SMG7: variants seen among roughly 807,000 people sequenced by gnomAD.
The protein encoded by SMG7 is nonsense-mediated mRNA decay factor SMG7.
A neutral mutation model predicts 148.2 loss-of-function variants in SMG7; 34 were observed. That is an observed-to-expected ratio of 0.23 (90% CI 0.17 to 0.31). The LOEUF (loss-of-function observed/expected upper bound fraction) is 0.31. SMG7 is among the 10% of genes least tolerant of loss of function. The pLI is 1.00. For missense variants in SMG7, 1,114 were observed against 1,408.4 expected, an observed-to-expected ratio of 0.79 and a Z score of 3.35; for synonymous variants, 492 against 515.1, an observed-to-expected ratio of 0.96 and a Z score of 0.61.
rs144466102 is a variant in SMG7, at chr1:183,477,742, A to G, written c.29+5093A>G. Among the ~76,000 whole-genome samples the G allele has an allele frequency of 2.8e-3, 407 of 146,412 alleles. 7 individuals are homozygous for G. The highest frequency in any genetic ancestry group is 0.013 in the East Asian group (61 of 4,860). On this transcript the variant is annotated intron_variant, in intron 1 of 22. Transcript: ENST00000688051. ...TGCATGTGTATATATGCATATATAC[A>G]TGTGTGTGCATATGTGTGCATATAT...
chr1:183,507,113 A>G (rs1462381680), intron 1 of SMG7, among the ~76,000 whole-genome samples: 6 of 152,078 alleles, frequency 3.9e-5, no homozygotes, highest in Admixed American at 3.3e-4. Flanking sequence ...TCATGACCTC[A>G]GGTGGTCTGC....
chr1:183,518,736 T>G (rs1036030508), intron 4 of SMG7: 2 of 152,206 alleles, frequency 1.3e-5, no homozygotes, highest in Admixed American at 6.5e-5. Context: ...TTAAGCAGAA[T>G]CTGTTAGAAA....
Position 183,545,120 on chromosome 1 carries a change from A to C in SMG7, c.2178A>C (p.Pro726=). 6.2e-7 allele frequency: 1 copy of C among 1,614,136 alleles called. No homozygotes were observed. Among genetic ancestry groups the C allele is most frequent in the Non-Finnish European group, 8.5e-7 (1 of 1,180,010 alleles). Reference sequence around the variant, plus strand: ...ACAGCCAGCAACGGCCCTCTGGACCAGGGCCAATGAACCAGGGACCTCAAC... The same window carrying C: ...ACAGCCAGCAACGGCCCTCTGGACCCGGGCCAATGAACCAGGGACCTCAAC... ...IPYSQQRPSG[P]GPMNQGPQQS... The change falls in exon 16 of 23, where the codon CCA becomes CCC. Residue 726 remains proline, a synonymous_variant. Coordinates refer to ENST00000688051, the MANE Select transcript of SMG7 (RefSeq NM_001375584.1).
intron 1 of SMG7, among the ~76,000 whole-genome samples, chr1:183,491,131 A>C (rs1332736064): frequency 6.6e-6 from 1 of 152,230 alleles, no homozygotes; most frequent in Admixed American, 6.5e-5. Flanking sequence ...TGCCTCAGGC[A>C]ATCATTACTC....
In SMG7 at chr1:183,552,198, G is replaced by T. The variant is rs1344764428; in HGVS notation, c.*267G>T. On this transcript the variant is annotated 3_prime_UTR_variant, in exon 23 of 23. Transcript: ENST00000688051. ...GCTGTTTATCTCACTCAGTTACTTG[G>T]TATCACCGCCTCTCACCTTCTCCAT... 1 of 1,105,034 alleles carries T rather than the reference G, an allele frequency of 9.0e-7. No individual in the cohort carries two copies. The highest frequency in any genetic ancestry group is 5.4e-5 in the East Asian group (1 of 18,570). 68.5% of individuals were successfully genotyped at this position (1,105,034 alleles called of 1,614,324 possible).
At chr1:183,528,128 T>A in intron 6 of SMG7, 101 bp downstream of exon 6, 1 of 742,136 alleles carries the variant, frequency 1.3e-6, no homozygotes, top group Non-Finnish European at 2.1e-6. Context: ...ATGAAAGCAA[T>A]AAATGAGTTT....
At position 183,546,077 on chromosome 1, in the gene SMG7, A is replaced by G; in HGVS notation, c.2482A>G (p.Ile828Val). 6.2e-7 allele frequency: 1 copy of G among 1,613,992 alleles called. No homozygotes were observed. The highest frequency in any genetic ancestry group is 8.5e-7 in the Non-Finnish European group (1 of 1,179,942). ...CTACTACCTTCAGACCCAAGACCCC[A>G]TAAAACTGTTTGAGCCGTCATTGCA... Reference protein sequence around the residue: ...QPYYLQTQDPIKLFEPSLQPP... With the variant: ...QPYYLQTQDPVKLFEPSLQPP... Residue 828 changes from isoleucine to valine, a missense_variant, in exon 17 of 23, where the codon ATA becomes GTA. Around this residue, in one of 4 missense-constraint regions of SMG7, gnomAD observed 788 missense variants for 894.5 expected, o/e 0.88. Coordinates refer to ENST00000688051, the MANE Select transcript of SMG7 (RefSeq NM_001375584.1).
In SMG7 at chr1:183,509,840, G is replaced by A. The variant is rs566267755; in HGVS notation, c.30-2997G>A. 7.9e-5 allele frequency among the ~76,000 whole-genome samples: 12 copies of A among 152,190 alleles called. No individual in the cohort carries two copies. The East Asian group carries it at 1.9e-3, about 24-fold the overall frequency. On this transcript the variant is annotated intron_variant, in intron 1 of 22. Transcript: ENST00000688051. ...TACGGTTTTTCTTGGACAGATTATA[G>A]CATGGTAAAAATAACAGAGTAAAAT...
chr1:183,503,406 G>T (rs1660179203), intron 1 of SMG7, among the ~76,000 whole-genome samples: 3 of 152,024 alleles, frequency 2.0e-5, no homozygotes, highest in African/African-American at 7.2e-5. Flanking sequence ...CAGAACTAAT[G>T]TTTGGAGAAA....
chr1:183,530,649 C>A (rs1666691364), intron 8 of SMG7, among the ~76,000 whole-genome samples: 1 of 152,100 alleles, frequency 6.6e-6, no homozygotes, highest in South Asian at 2.1e-4. Context: ...TTCCTGAAGT[C>A]AAAACTAAAA....
chr1:183,547,471 T>C (rs1670124945), intron 18 of SMG7, among the ~76,000 whole-genome samples: 2 of 152,306 alleles, frequency 1.3e-5, no homozygotes, highest in South Asian at 4.1e-4. Context: ...AGACATACCT[T>C]GGTTTTATGT....
chr1:183,549,726 T>C (rs1402960368), intron 19 of SMG7, 38 bp from the exon 20 acceptor site: 4 of 1,570,726 alleles, frequency 2.5e-6, no homozygotes, highest in African/African-American at 1.4e-5. Flanking sequence ...ATCTCTTTCC[T>C]TGGGGTGAGT....
In SMG7 at chr1:183,505,244, T is replaced by C. The variant is rs1660641829; in HGVS notation, c.30-7593T>C. ...TTCCTCAACCTCCTGCATCCTGATA[T>C]AATCTTTTCTCTGGCAAGGCTATCA... On this transcript the variant is annotated intron_variant, in intron 1 of 22. Transcript: ENST00000688051. 2.6e-5 allele frequency among the ~76,000 whole-genome samples: 4 copies of C among 152,204 alleles called. No homozygotes were observed. The South Asian group carries it at 6.2e-4, about 24-fold the overall frequency.
At chr1:183,484,713 A>G (rs1655006026) in intron 1 of SMG7, among the ~76,000 whole-genome samples, 1 of 152,086 alleles carries the variant, frequency 6.6e-6, no homozygotes, top group African/African-American at 2.4e-5. Flanking sequence ...ATCCTTTAAT[A>G]TTAATCTTTG....
At chr1:183,521,462 T>C (rs937362841) in intron 4 of SMG7, among the ~76,000 whole-genome samples, 11 of 152,192 alleles carry the variant, frequency 7.2e-5, no homozygotes, top group Middle Eastern at 6.3e-3. Flanking sequence ...TTACTAACAA[T>C]AGTGTTCCAC....
intron 14 of SMG7, among the ~76,000 whole-genome samples, chr1:183,543,729 T>C (rs1309287515): frequency 3.3e-5 from 5 of 152,226 alleles, no homozygotes; most frequent in Non-Finnish European, 1.5e-5. Flanking sequence ...ATGCTACTCA[T>C]GTTCCCTCAT....
chr1:183,545,536 A>T (rs1037371580), intron 16 of SMG7, among the ~76,000 whole-genome samples: 1 of 152,194 alleles, frequency 6.6e-6, no homozygotes, highest in Non-Finnish European at 1.5e-5. Flanking sequence ...CTTGGCTGCT[A>T]CTAAGTGTCC....
intron 1 of SMG7, among the ~76,000 whole-genome samples, chr1:183,503,889 G>T (rs969901956): frequency 6.6e-6 from 1 of 152,180 alleles, no homozygotes; most frequent in Non-Finnish European, 1.5e-5. Context: ...TTGTAGGAAA[G>T]CCCAAATTCA....
At chr1:183,504,917 T>G (rs2102349997) in intron 1 of SMG7, among the ~76,000 whole-genome samples, 1 of 152,278 alleles carries the variant, frequency 6.6e-6, no homozygotes, top group African/African-American at 2.4e-5. Context: ...TTCTGACTCT[T>G]TTTCAAGGCC....
Sources: gnomAD v4.1 joint callset for allele counts (sites outside exome capture counted in the v4.1 genomes callset) on GRCh38, gnomAD v4.1.1 for gene constraint, gnomAD v4.1.1 regional missense constraint, MANE v1.5 for transcripts, NCBI Gene and HGNC (gene_info 2026-07-23, HGNC 2026-07-21) for gene names.